Variants in ITGBL1 observed in about 807,000 individuals in gnomAD.
The protein encoded by ITGBL1 is integrin beta-like protein 1.
A neutral mutation model predicts 68.5 loss-of-function variants in ITGBL1; 51 were observed. The ratio of observed to expected loss-of-function variants is 0.74; its 90% CI spans 0.59 to 0.94. The LOEUF (loss-of-function observed/expected upper bound fraction) is 0.94. Among genes scored for constraint, ITGBL1 ranks in the 40% least tolerant of loss-of-function variants. The pLI is 0.00. For missense variants in ITGBL1, 649 were observed against 647.4 expected, an observed-to-expected ratio of 1.00 and a Z score of -0.03; for synonymous variants, 209 against 227.3, an observed-to-expected ratio of 0.92 and a Z score of 0.72.
In ITGBL1 at chr13:101,696,104, C is replaced by T. The variant is rs772759396; in HGVS notation, c.1132+3403C>T. 5.9e-4 allele frequency among the ~76,000 whole-genome samples: 89 copies of T among 151,968 alleles called. 1 individual carries two copies. Among genetic ancestry groups the T allele is most frequent in the Non-Finnish European group, 4.7e-4 (32 of 67,980 alleles). On this transcript the variant is annotated intron_variant, in intron 8 of 10. Coordinates refer to ENST00000376180, the MANE Select transcript of ITGBL1 (RefSeq NM_004791.3). ...TCTCTGTGCATATGGGCTGTGTTAT[C>T]CCAAGAGAAAATAGTCCCCAATTAT...
In ITGBL1 at chr13:101,619,874, CT is replaced by C. The variant is rs548212636; in HGVS notation, c.1015+21581del. ...AGTTGAGATATGATTTTCTTCTTGG[CT>C]TTTTTCTTGCTTTGTCTTAAAATGA... On this transcript the variant is annotated intron_variant, in intron 7 of 10. Transcript: ENST00000376180. 3.9e-5 allele frequency among the ~76,000 whole-genome samples: 6 copies of C among 152,158 alleles called. No homozygotes were observed. In the South Asian group the frequency reaches 1.2e-3, roughly 32 times the overall value.
At chr13:101,616,579 C>T (rs2031371293) in intron 7 of ITGBL1, among the ~76,000 whole-genome samples, 1 of 152,176 alleles carries the variant, frequency 6.6e-6, no homozygotes, top group Admixed American at 6.5e-5. Context: ...CAGCCTCCGC[C>T]TCCCAGGTTG....
intron 2 of ITGBL1, among the ~76,000 whole-genome samples, chr13:101,514,205 G>A (rs1237853032): frequency 6.6e-6 from 1 of 152,008 alleles, no homozygotes; most frequent in Non-Finnish European, 1.5e-5. Context: ...GTGTTGGCTG[G>A]TGTATGCTAA....
chr13:101,669,855 T>G (rs545150176), intron 7 of ITGBL1, among the ~76,000 whole-genome samples: 1 of 152,326 alleles, frequency 6.6e-6, no homozygotes, highest in African/African-American at 2.4e-5. Flanking sequence ...GAAGTTCAAC[T>G]TTTCATTGCA....
chr13:101,703,038 C>T (rs944248338), intron 8 of ITGBL1, among the ~76,000 whole-genome samples: 1 of 152,108 alleles, frequency 6.6e-6, no homozygotes, highest in African/African-American at 2.4e-5. Flanking sequence ...CACTGTGTCT[C>T]AGGCATTGTG....
At chr13:101,513,289 G>C (rs2049144425) in intron 2 of ITGBL1, among the ~76,000 whole-genome samples, 1 of 152,076 alleles carries the variant, frequency 6.6e-6, no homozygotes, top group Non-Finnish European at 1.5e-5. Flanking sequence ...AGGTGTGACA[G>C]ATGTGAGTTA....
At chr13:101,602,020 C>G (rs2030415846) in intron 7 of ITGBL1, among the ~76,000 whole-genome samples, 1 of 151,916 alleles carries the variant, frequency 6.6e-6, no homozygotes, top group Non-Finnish European at 1.5e-5. Flanking sequence ...CTCTTTCTCT[C>G]TTTATATATA....
chr13:101,684,982 A>C (rs1405691630), intron 7 of ITGBL1, among the ~76,000 whole-genome samples: 1 of 151,998 alleles, frequency 6.6e-6, no homozygotes, highest in East Asian at 1.9e-4. Flanking sequence ...TTATAAAAAG[A>C]GTCATTTTAC....
intron 2 of ITGBL1, among the ~76,000 whole-genome samples, chr13:101,516,728 A>C (rs1271682596): frequency 1.3e-5 from 2 of 152,164 alleles, no homozygotes; most frequent in African/African-American, 4.8e-5. Flanking sequence ...GTTAATTATC[A>C]TATTATTTCT....
At chr13:101,496,338 A>G (rs928775662) in intron 2 of ITGBL1, among the ~76,000 whole-genome samples, 9 of 152,138 alleles carry the variant, frequency 5.9e-5, no homozygotes, top group African/African-American at 1.7e-4. Context: ...CCTGTAAGTC[A>G]TTTAAATTCT....
intron 2 of ITGBL1, among the ~76,000 whole-genome samples, chr13:101,558,793 A>G (rs1410555270): frequency 6.6e-6 from 1 of 152,190 alleles, no homozygotes; most frequent in African/African-American, 2.4e-5. Context: ...GACCAGAAAA[A>G]TTAAAAGATT....
intron 4 of ITGBL1, 89 bp from the exon 5 acceptor site, chr13:101,579,198 G>A: frequency 1.4e-6 from 2 of 1,420,906 alleles, no homozygotes; most frequent in Non-Finnish European, 2.0e-6. Flanking sequence ...TATTTCAGAA[G>A]GCAAAAATGA....
chr13:101,543,362 C>G (rs1253366780), intron 2 of ITGBL1, among the ~76,000 whole-genome samples: 1 of 152,144 alleles, frequency 6.6e-6, no homozygotes. Flanking sequence ...AAATTCTTTT[C>G]TTTACGAATG....
At chr13:101,501,440 T>C (rs750538858) in intron 2 of ITGBL1, among the ~76,000 whole-genome samples, 28 of 152,196 alleles carry the variant, frequency 1.8e-4, no homozygotes, top group Non-Finnish European at 3.4e-4. Flanking sequence ...CAGTGCCCTG[T>C]GAATTCAATT....
In ITGBL1 at chr13:101,460,324, C is replaced by G. The variant is rs185748349; in HGVS notation, c.316+6224C>G. On this transcript the variant is annotated intron_variant, in intron 2 of 10. Coordinates refer to ENST00000376180, the MANE Select transcript of ITGBL1 (RefSeq NM_004791.3). ...AGACAGACTGGCTTTCACATTGCCT[C>G]TTTCCTGTATTTTCTTCATAGTCTT... is the stretch of plus-strand genomic sequence containing the variant. Among the ~76,000 whole-genome samples the G allele has an allele frequency of 2.7e-4, 41 of 152,304 alleles. No homozygotes were observed. In the East Asian group the frequency reaches 7.1e-3, roughly 27 times the overall value.
intron 2 of ITGBL1, among the ~76,000 whole-genome samples, chr13:101,556,771 A>G (rs2050014172): frequency 6.6e-6 from 1 of 152,172 alleles, no homozygotes; most frequent in South Asian, 2.1e-4. Flanking sequence ...TCACTGCCAG[A>G]AGCCAAAATA....
intron 6 of ITGBL1, among the ~76,000 whole-genome samples, chr13:101,594,694 T>C (rs1177506600): frequency 6.6e-6 from 1 of 152,092 alleles, no homozygotes; most frequent in Non-Finnish European, 1.5e-5. Context: ...CAATAAGGGG[T>C]TAATATTCAA....
At chr13:101,464,531 CTATA>C (rs546437405) in intron 2 of ITGBL1, among the ~76,000 whole-genome samples, 1 of 150,696 alleles carries the variant, frequency 6.6e-6, no homozygotes. Context: ...CTCTCTCTCT[CTATA>C]TATATATATA....
At chr13:101,653,602 T>A (rs1239297851) in intron 7 of ITGBL1, among the ~76,000 whole-genome samples, 2 of 152,110 alleles carry the variant, frequency 1.3e-5, no homozygotes, top group Admixed American at 1.3e-4. Flanking sequence ...TCCAAAAACA[T>A]GTAAATAGGC....
Sources: allele counts gnomAD v4.1 joint callset (sites outside exome capture counted in the v4.1 genomes callset), GRCh38; gene constraint gnomAD v4.1.1; transcripts MANE v1.5; gene names NCBI Gene and HGNC (gene_info 2026-07-23, HGNC 2026-07-21).